EEFSEC: variants seen among roughly 807,000 people sequenced by gnomAD.
The protein encoded by EEFSEC is selenocysteine-specific elongation factor.
Under a neutral mutation model 42.1 loss-of-function variants are expected in EEFSEC, and 43 were observed. The ratio of observed to expected loss-of-function variants is 1.02; its 90% confidence interval spans 0.80 to 1.32. EEFSEC has a LOEUF of 1.32. Ranked by LOEUF, EEFSEC falls within the 40% of genes most tolerant of loss-of-function variation. The pLI is 0.00. For synonymous variants in EEFSEC, 354 were observed against 339.1 expected (o/e 1.04, Z -0.48); for missense variants, 745 against 803.6 (o/e 0.93, Z 0.88).
chr3:128,387,402 G>A (rs568929400), intron 6 of EEFSEC, among the ~76,000 whole-genome samples: 1 of 152,354 alleles, frequency 6.6e-6, no homozygotes, highest in East Asian at 1.9e-4. Context: ...TGAAGGTGCT[G>A]TGTGGCAAGA....
At chr3:128,374,402 TG>T (rs1331853808) in intron 6 of EEFSEC, among the ~76,000 whole-genome samples, 1 of 152,248 alleles carries the variant, frequency 6.6e-6, no homozygotes, top group African/African-American at 2.4e-5. Context: ...TTCGTTATTA[TG>T]GCCAACATTC....
intron 2 of EEFSEC, among the ~76,000 whole-genome samples, chr3:128,256,067 A>G (rs2066239046): frequency 1.3e-5 from 2 of 152,186 alleles, no homozygotes; most frequent in Admixed American, 6.5e-5. Flanking sequence ...CATGTCACAC[A>G]AGATCCATCT....
At chr3:128,228,271 G>A (rs1381442815) in intron 1 of EEFSEC, among the ~76,000 whole-genome samples, 1 of 152,196 alleles carries the variant, frequency 6.6e-6, no homozygotes, top group Non-Finnish European at 1.5e-5. Context: ...TAGGGCAACA[G>A]GGATTGTGGG....
intron 5 of EEFSEC, among the ~76,000 whole-genome samples, chr3:128,355,979 G>A (rs1466922961): frequency 5.9e-5 from 9 of 152,328 alleles, no homozygotes; most frequent in Non-Finnish European, 1.2e-4. Context: ...CCTGCTCAGG[G>A]CCAGGCCCTG....
intron 6 of EEFSEC, chr3:128,362,216 C>T: frequency 1.9e-6 from 1 of 527,232 alleles, no homozygotes; most frequent in Non-Finnish European, 3.9e-6. Flanking sequence ...CAGGCATCAG[C>T]ACTCACTCAC....
At chr3:128,226,729 G>A (rs957312168) in intron 1 of EEFSEC, among the ~76,000 whole-genome samples, 2 of 152,172 alleles carry the variant, frequency 1.3e-5, no homozygotes, top group Admixed American at 6.5e-5. Context: ...GAAGCTTCTC[G>A]AGGGCAGGGA....
chr3:128,210,778 A>C (rs1312625307), intron 1 of EEFSEC, among the ~76,000 whole-genome samples: 3 of 152,230 alleles, frequency 2.0e-5, no homozygotes, highest in Non-Finnish European at 4.4e-5. Context: ...GAATTTTGGT[A>C]TAGAAAATGC....
intron 6 of EEFSEC, chr3:128,367,787 GA>G (rs1403806250): frequency 2.0e-6 from 2 of 985,260 alleles, no homozygotes; most frequent in Non-Finnish European, 2.4e-6. Flanking sequence ...GCCCTCCAAA[GA>G]AACCAGCTCT....
At chr3:128,202,292 C>G (rs1159527266) in intron 1 of EEFSEC, among the ~76,000 whole-genome samples, 1 of 152,176 alleles carries the variant, frequency 6.6e-6, no homozygotes, top group Non-Finnish European at 1.5e-5. Flanking sequence ...GGAAAACTGA[C>G]TCTTAACAAT....
chr3:128,331,221 T>TCC (rs1576643915), intron 4 of EEFSEC, among the ~76,000 whole-genome samples: 1 of 55,762 alleles, frequency 1.8e-5, no homozygotes, highest in Non-Finnish European at 3.7e-5. Context: ...TCTCCCCTCT[T>TCC]CTCCCCTTCC....
intron 1 of EEFSEC, among the ~76,000 whole-genome samples, chr3:128,203,407 A>C (rs1447764531): frequency 6.6e-6 from 1 of 152,168 alleles, no homozygotes; most frequent in African/African-American, 2.4e-5. Flanking sequence ...GAAGATGATG[A>C]GTGTTGGCGA....
At chr3:128,284,071 A>G (rs1429051504) in intron 4 of EEFSEC, among the ~76,000 whole-genome samples, 1 of 152,182 alleles carries the variant, frequency 6.6e-6, no homozygotes, top group Non-Finnish European at 1.5e-5. Context: ...ACACCATGGC[A>G]TGAGCCTTGG....
chr3:128,377,653 G>A (rs2067725414), intron 6 of EEFSEC, among the ~76,000 whole-genome samples: 1 of 152,192 alleles, frequency 6.6e-6, no homozygotes, highest in Non-Finnish European at 1.5e-5. Flanking sequence ...TAACATTGCT[G>A]GAAGCATCTC....
intron 6 of EEFSEC, among the ~76,000 whole-genome samples, chr3:128,393,249 A>AC (rs955076163): frequency 2.5e-4 from 38 of 151,658 alleles, no homozygotes; most frequent in Non-Finnish European, 2.2e-4. Context: ...TCAGTGCACC[A>AC]CCCCCCAGGC....
chr3:128,189,948 C>T (rs1450022253), intron 1 of EEFSEC, among the ~76,000 whole-genome samples: 1 of 152,018 alleles, frequency 6.6e-6, no homozygotes, highest in Non-Finnish European at 1.5e-5. Context: ...CTGCAACCTC[C>T]ACCTCCCGGA....
At chr3:128,404,495 G>T (rs2068086457) in intron 6 of EEFSEC, among the ~76,000 whole-genome samples, 1 of 152,242 alleles carries the variant, frequency 6.6e-6, no homozygotes, top group South Asian at 2.1e-4. Context: ...CGCCTTCTCA[G>T]CCTCCAGACC....
chr3:128,255,648 GA>G (rs975857362), intron 2 of EEFSEC, among the ~76,000 whole-genome samples: 15 of 152,224 alleles, frequency 9.9e-5, no homozygotes, highest in African/African-American at 3.6e-4. Flanking sequence ...GACCTTGTAA[GA>G]AAATCAGCCA....
At chr3:128,302,726 A>G (rs1307384776) in intron 4 of EEFSEC, among the ~76,000 whole-genome samples, 2 of 152,146 alleles carry the variant, frequency 1.3e-5, no homozygotes, top group Non-Finnish European at 2.9e-5. Context: ...CCCATTCTTT[A>G]TAACCATTAT....
At chr3:128,300,468 C>G (rs772973885) in intron 4 of EEFSEC, among the ~76,000 whole-genome samples, 1 of 145,498 alleles carries the variant, frequency 6.9e-6, no homozygotes, top group Non-Finnish European at 1.5e-5. Context: ...TGGCACGCAC[C>G]TGTAGTCCCA....
Sources: allele counts gnomAD v4.1 joint callset (sites outside exome capture counted in the v4.1 genomes callset), GRCh38; gene constraint gnomAD v4.1.1; transcripts MANE v1.5; gene names NCBI Gene and HGNC (gene_info 2026-07-23, HGNC 2026-07-21).